Variants in ADAM17 observed in about 807,000 individuals in gnomAD.
ADAM17 encodes the protein disintegrin and metalloproteinase domain-containing protein 17.
In ADAM17, 39 loss-of-function variants were observed where a neutral mutation model predicts 96.7. The observed-to-expected ratio is 0.40, with a 90% CI of 0.31 to 0.53. The LOEUF is 0.53. Ranked by LOEUF, ADAM17 falls within the 20% of genes least tolerant of loss-of-function variation. ADAM17 has a pLI of 0.44. For missense variants in ADAM17, 777 were observed against 1,013.2 expected, an observed-to-expected ratio of 0.77 and a Z score of 3.17; for synonymous variants, 344 against 359.2, an observed-to-expected ratio of 0.96 and a Z score of 0.48.
rs1664153660 is a variant in ADAM17, at chr2:9,518,258, CCAAAAA to C, written c.958-17_958-12del. On this transcript the variant is annotated splice_polypyrimidine_tract_variant and intron_variant, in intron 8 of 18. Transcript: ENST00000310823. Reference sequence around the variant, plus strand: ...ATCAAAGCTAAATTGCTTTGAAAGACCAAAAAAAAAAAAAAAAAAAAAAGCATTCTT... The same window carrying C: ...ATCAAAGCTAAATTGCTTTGAAAGACAAAAAAAAAAAAAAAAAGCATTCTT... The C allele has an allele frequency of 1.5e-6, 1 of 683,924 alleles. No homozygotes were observed. 42.4% of individuals were successfully genotyped at this position (683,924 alleles called of 1,614,324 possible).
intron 1 of ADAM17, among the ~76,000 whole-genome samples, chr2:9,546,715 CT>C (rs59009659): frequency 5.5e-4 from 76 of 137,714 alleles, no homozygotes; most frequent in Admixed American, 1.0e-3. Context: ...TGGCCATATT[CT>C]TTTTTTTTTT....
intron 1 of ADAM17, 70 bp from the exon 2 acceptor site, chr2:9,543,355 G>A: frequency 1.5e-6 from 2 of 1,310,728 alleles, no homozygotes; most frequent in East Asian, 2.7e-5. Context: ...TAAAATGAGA[G>A]TGCCAGACAA....
chr2:9,493,951 C>T (rs1662359236), intron 15 of ADAM17, 126 bp from the exon 16 acceptor site: 1 of 712,946 alleles, frequency 1.4e-6, no homozygotes, highest in African/African-American at 1.8e-5. Flanking sequence ...CCATCTTTGA[C>T]ACAAGGCAAT....
intron 14 of ADAM17, among the ~76,000 whole-genome samples, chr2:9,495,498 A>AG (rs963449596): frequency 2.2e-4 from 33 of 152,198 alleles, no homozygotes; most frequent in African/African-American, 7.7e-4. Flanking sequence ...AGATCACTTG[A>AG]GGCCAGGAGT....
intron 1 of ADAM17, among the ~76,000 whole-genome samples, chr2:9,550,214 T>G (rs1025704975): frequency 6.6e-6 from 1 of 152,082 alleles, no homozygotes; most frequent in African/African-American, 2.4e-5. Context: ...GCCTGGGAAC[T>G]AAACAATTTT....
chr2:9,540,496 T>C (rs140070693), intron 2 of ADAM17, among the ~76,000 whole-genome samples: 1 of 152,296 alleles, frequency 6.6e-6, no homozygotes, highest in African/African-American at 2.4e-5. Flanking sequence ...CTATTAATAT[T>C]ACCAATCTGC....
intron 15 of ADAM17, among the ~76,000 whole-genome samples, chr2:9,494,115 C>T (rs1282373711): frequency 6.6e-6 from 1 of 152,184 alleles, no homozygotes; most frequent in African/African-American, 2.4e-5. Flanking sequence ...GGACTCTACA[C>T]ATACACAGTG....
chr2:9,550,586 C>G (rs1438010989), intron 1 of ADAM17, among the ~76,000 whole-genome samples: 1 of 151,572 alleles, frequency 6.6e-6, no homozygotes, highest in East Asian at 2.0e-4. Context: ...GCTGGGATTA[C>G]AGGCACGCAC....
In ADAM17 at chr2:9,523,339, CTGTG is replaced by C; in HGVS notation, c.754-5_754-2del. 1.2e-6 allele frequency: 2 copies of C among 1,607,108 alleles called. No individual in the cohort carries two copies. Among genetic ancestry groups the C allele is most frequent in the Non-Finnish European group, 1.7e-6 (2 of 1,174,962 alleles). ...CATCAACTCTGTCAATTAGCTCTAT[CTGTG>C]TGTATTTAAAAAAGAAAAAAGACAT... On this transcript the variant is annotated splice_acceptor_variant and splice_polypyrimidine_tract_variant and intron_variant, in intron 6 of 18. Coordinates refer to ENST00000310823, the MANE Select transcript of ADAM17 (RefSeq NM_003183.6). LOFTEE classifies it high-confidence loss of function.
At position 9,505,330 on chromosome 2, in the gene ADAM17, C is replaced by T; in HGVS notation, c.1380G>A (p.Lys460=). The part of the protein sequence containing the change: ...FSNCSKQSIY[K]TIESKAQECF... ...ACTCCTGGGCCTTACTTTCAATGGT[C>T]TTATAGATTGATTGTTTACTGCAGT... The change falls in exon 12 of 19, where the codon AAG becomes AAA. Residue 460 remains lysine (K), a synonymous_variant. Transcript: ENST00000310823. 2 of 1,614,084 alleles carry T rather than the reference C, an allele frequency of 1.2e-6. No individual in the cohort carries two copies. Among genetic ancestry groups the T allele is most frequent in the Middle Eastern group, 3.3e-4 (2 of 6,062 alleles).
Position 9,535,828 on chromosome 2 carries a change from AT to A in ADAM17, c.450+5del, listed in dbSNP as rs1664938927. 2 of 1,560,170 alleles carry A rather than the reference AT, an allele frequency of 1.3e-6. No individual in the cohort carries two copies. Among genetic ancestry groups the A allele is most frequent in the East Asian group, 4.6e-5 (2 of 43,336 alleles). ...CTACTGAAAAAAAATTCACATATAA[AT>A]TTACCTCTATGTTATATTCGGCCCC... On this transcript the variant is annotated splice_donor_5th_base_variant and intron_variant, in intron 4 of 18. Transcript: ENST00000310823.
chr2:9,523,981 C>A (rs1664416719), intron 6 of ADAM17, among the ~76,000 whole-genome samples: 1 of 151,514 alleles, frequency 6.6e-6, no homozygotes, highest in Non-Finnish European at 1.5e-5. Flanking sequence ...CTCAAGCAAT[C>A]CTCTCACCTC....
At chr2:9,513,273 C>T (rs1179891757) in intron 10 of ADAM17, among the ~76,000 whole-genome samples, 4 of 152,198 alleles carry the variant, frequency 2.6e-5, no homozygotes, top group Non-Finnish European at 4.4e-5. Flanking sequence ...GGATTACAGG[C>T]GTGAGCCACC....
Position 9,490,435 on chromosome 2 carries a change from C to CT in ADAM17, c.2216_2217insA (p.Gln740AlafsTer39). On this transcript the variant is annotated frameshift_variant, in exon 19 of 19. Transcript: ENST00000310823. LOFTEE classifies it high-confidence loss of function. The stretch of plus-strand genomic sequence containing the variant: ...CCGAAGGGATCACAGGGGCAGGCTG[C>CT]AGGCGGCCTGGAGTCTGGGGCGCAG... The CT allele has an allele frequency of 6.2e-7, 1 of 1,614,192 alleles. No homozygotes were observed. The highest frequency in any genetic ancestry group is 8.5e-7 in the Non-Finnish European group (1 of 1,180,038).
At chr2:9,509,928 T>G (rs768454103) in intron 11 of ADAM17, 51 bp downstream of exon 11, 1 of 1,602,556 alleles carries the variant, frequency 6.2e-7, no homozygotes, top group Non-Finnish European at 8.5e-7. Flanking sequence ...TTATGATCAT[T>G]ATACACAGCC....
chr2:9,552,406 C>A (rs990401662), intron 1 of ADAM17, among the ~76,000 whole-genome samples: 1 of 152,204 alleles, frequency 6.6e-6, no homozygotes, highest in African/African-American at 2.4e-5. Context: ...CATTAAATCT[C>A]CCTTGGAGCA....
chr2:9,540,483 T>C (rs1333321353), intron 2 of ADAM17, among the ~76,000 whole-genome samples: 1 of 152,172 alleles, frequency 6.6e-6, no homozygotes, highest in African/African-American at 2.4e-5. Context: ...TGATTAACTG[T>C]AGCTATTAAT....
At chr2:9,543,323 T>C (rs202057320) in intron 1 of ADAM17, 38 bp from the exon 2 acceptor site, 10 of 1,512,196 alleles carry the variant, frequency 6.6e-6, no homozygotes, top group Non-Finnish European at 8.0e-6. Context: ...CATCTAAACC[T>C]AATAATCAAT....
Position 9,488,663 on chromosome 2 carries a change from C to CACCCCACT in ADAM17, c.*1506_*1513dup, listed in dbSNP as rs1431793164. On this transcript the variant is annotated 3_prime_UTR_variant, in exon 19 of 19. Coordinates refer to ENST00000310823, the MANE Select transcript of ADAM17 (RefSeq NM_003183.6). ...TGTTTCACTCATACATACACCCACA[C>CACCCCACT]ACCCCACTCAACCTTGTATCAAATT... 1 of 175,950 alleles carries CACCCCACT rather than the reference C, an allele frequency of 5.7e-6. No homozygotes were observed. The highest frequency in any genetic ancestry group is 2.4e-5 in the African/African-American group (1 of 42,400). The allele number at this position is 175,950 out of a possible 1,614,324, so 10.9% of individuals were successfully genotyped here.
Sources: gnomAD v4.1 joint callset for allele counts (sites outside exome capture counted in the v4.1 genomes callset) on GRCh38, gnomAD v4.1.1 for gene constraint, MANE v1.5 for transcripts, NCBI Gene and HGNC (gene_info 2026-07-23, HGNC 2026-07-21) for gene names.